The following NTRK3 variants were observed in gnomAD, a reference collection of about 807,000 sequenced individuals.
NTRK3 encodes the protein neurotrophic receptor tyrosine kinase 3, also known as NT-3 growth factor receptor.
Under a neutral mutation model 91.7 loss-of-function variants are expected in NTRK3, and 24 were observed. The observed-to-expected ratio is 0.26, with a 90% CI of 0.19 to 0.37. NTRK3 has a LOEUF of 0.37. Among genes scored for constraint, NTRK3 ranks in the 10% least tolerant of loss-of-function variants. NTRK3 has a pLI of 1.00. For missense variants in NTRK3, 880 were observed against 1,068.9 expected, an observed-to-expected ratio of 0.82 and a Z score of 2.46; for synonymous variants, 483 against 404.0, an observed-to-expected ratio of 1.20 and a Z score of -2.34.
chr15:88,061,390 G>A (rs1273403494), intron 13 of NTRK3, among the ~76,000 whole-genome samples: 1 of 152,240 alleles, frequency 6.6e-6, no homozygotes, highest in Admixed American at 6.5e-5. Flanking sequence ...TTGACCCCCA[G>A]TGGTCAGAAG....
intron 17 of NTRK3, among the ~76,000 whole-genome samples, chr15:87,892,083 AACACACAC>A (rs58946187): frequency 2.8e-5 from 4 of 141,344 alleles, no homozygotes; most frequent in Non-Finnish European, 1.5e-5. Context: ...CCCCATCCCC[AACACACAC>A]ACACACACAC....
rs61498493 is a variant in NTRK3 at position 87,900,690 on chromosome 15, GGTGTGTGTGT to G, written c.2134-20272_2134-20263del. Among the ~76,000 whole-genome samples the G allele has an allele frequency of 3.0e-3, 410 of 138,336 alleles. 1 individual carries two copies. The highest frequency in any genetic ancestry group is 8.1e-3 in the African/African-American group (301 of 36,966). The allele number at this position is 138,336 out of a possible 152,430, so 90.8% of individuals were successfully genotyped here. A position where few individuals can be genotyped will look rare whatever the true frequency, so the allele number is the denominator to read the frequency against. ...GCATCAGCAGCCTGACTTTACAGAG[GGTGTGTGTGT>G]GTGTGTGTGTGTGTGTGTGTGTGTG... On this transcript the variant is annotated intron_variant, in intron 17 of 18. Coordinates refer to ENST00000394480, the Ensembl canonical transcript of NTRK3.
At chr15:88,004,983 T>C (rs2076384130) in intron 14 of NTRK3, among the ~76,000 whole-genome samples, 1 of 152,218 alleles carries the variant, frequency 6.6e-6, no homozygotes, top group Non-Finnish European at 1.5e-5. Context: ...ATTATTCTCA[T>C]CTTACAGATG....
intron 13 of NTRK3, among the ~76,000 whole-genome samples, chr15:88,061,976 T>C (rs546935860): frequency 1.3e-5 from 2 of 152,178 alleles, no homozygotes; most frequent in Admixed American, 1.3e-4. Flanking sequence ...CAACCGCAGA[T>C]CAAAAATATT....
intron 17 of NTRK3, among the ~76,000 whole-genome samples, chr15:87,900,772 C>T (rs1464201425): frequency 6.6e-6 from 1 of 151,178 alleles, no homozygotes; most frequent in Non-Finnish European, 1.5e-5. Context: ...AATTCAGGAG[C>T]TCCACGGCCC....
chr15:87,916,654 T>C lies in NTRK3; in HGVS notation c.2133+12537A>G, dbSNP rs558568845. On this transcript the variant is annotated intron_variant, in intron 17 of 18. Coordinates refer to ENST00000394480, the Ensembl canonical transcript of NTRK3. ...CTAGAAACCACCCTCAGAAATAGGT[T>C]ATTATTTTTTGGCAGGATTAGGGGG... 19 of 692,220 alleles carry C rather than the reference T, an allele frequency of 2.7e-5. No homozygotes were observed. The African/African-American group carries it at 2.8e-4, about 10-fold the overall frequency. 42.9% of individuals were successfully genotyped at this position (692,220 alleles called of 1,614,324 possible).
intron 13 of NTRK3, among the ~76,000 whole-genome samples, chr15:88,045,532 A>G (rs1268286461): frequency 6.6e-6 from 1 of 152,230 alleles, no homozygotes; most frequent in Admixed American, 6.5e-5. Context: ...AGACACTGGT[A>G]GGCATTGCCT....
chr15:88,032,984 G>A lies in NTRK3; in HGVS notation c.1458C>T (p.His486=), dbSNP rs2229909. 5.5e-3 allele frequency: 8,860 copies of A among 1,609,798 alleles called. 455 individuals carry two copies. The African/African-American group carries it at 0.1, about 19-fold the overall frequency. The change falls in exon 14 of 19, where the codon CAC becomes CAT. Residue 486 remains histidine (H), a synonymous_variant. Transcript: ENST00000394480. The stretch of plus-strand genomic sequence containing the variant: ...CCAGTGACGAGGGCGTGGTGATGCC[G>A]TGGTTGATGTGGTGCAGTGGGCTGG...
chr15:87,962,383 C>A (rs2072383631), intron 14 of NTRK3, among the ~76,000 whole-genome samples: 1 of 152,094 alleles, frequency 6.6e-6, no homozygotes, highest in African/African-American at 2.4e-5. Context: ...CCATGCTCAC[C>A]CCTAGAAAGA....
intron 14 of NTRK3, among the ~76,000 whole-genome samples, chr15:87,962,611 G>T (rs1254075812): frequency 1.3e-5 from 2 of 152,154 alleles, no homozygotes; most frequent in Non-Finnish European, 2.9e-5. Context: ...CTTCTCTCCA[G>T]TTTGTGCCCC....
chr15:87,934,387 G>C (rs2069085091), intron 15 of NTRK3, among the ~76,000 whole-genome samples: 1 of 152,196 alleles, frequency 6.6e-6, no homozygotes. Context: ...AATCTAGACA[G>C]ACTAGAGATT....
At chr15:88,188,643 C>T (rs2047142017) in intron 3 of NTRK3, among the ~76,000 whole-genome samples, 1 of 152,164 alleles carries the variant, frequency 6.6e-6, no homozygotes, top group South Asian at 2.1e-4. Context: ...CAGGCCAATA[C>T]AAAAAAGTCT....
chr15:88,124,833 G>A (rs1182548186), intron 13 of NTRK3, among the ~76,000 whole-genome samples: 2 of 152,294 alleles, frequency 1.3e-5, no homozygotes, highest in East Asian at 1.9e-4. Flanking sequence ...TTTATAATTT[G>A]CCTGCACATG....
At chr15:88,119,506 A>C (rs2052471015) in intron 13 of NTRK3, among the ~76,000 whole-genome samples, 1 of 152,186 alleles carries the variant, frequency 6.6e-6, no homozygotes, top group South Asian at 2.1e-4. Context: ...GCATGCAAAC[A>C]TTTGTTAGGA....
At chr15:88,078,410 C>A (rs772724146) in intron 13 of NTRK3, among the ~76,000 whole-genome samples, 2 of 152,208 alleles carry the variant, frequency 1.3e-5, no homozygotes, top group African/African-American at 2.4e-5. Context: ...AATCCCGGCA[C>A]TTCGGGAGGC....
intron 17 of NTRK3, among the ~76,000 whole-genome samples, chr15:87,914,883 C>G (rs952036936): frequency 6.6e-6 from 1 of 152,194 alleles, no homozygotes; most frequent in Non-Finnish European, 1.5e-5. Flanking sequence ...CCACCACCTA[C>G]CAGTCAACTT....
chr15:87,979,606 G>A (rs1232424005), intron 14 of NTRK3: 1 of 664,598 alleles, frequency 1.5e-6, no homozygotes. Context: ...AAGGATAGGA[G>A]GAGGGGATTA....
At chr15:88,183,888 C>G (rs2046733582) in intron 4 of NTRK3, among the ~76,000 whole-genome samples, 1 of 152,174 alleles carries the variant, frequency 6.6e-6, no homozygotes, top group African/African-American at 2.4e-5. Context: ...AAATCTCATA[C>G]TCCATGGGGC....
At chr15:88,048,191 C>A (rs555950898) in intron 13 of NTRK3, among the ~76,000 whole-genome samples, 103 of 152,274 alleles carry the variant, frequency 6.8e-4, no homozygotes, top group African/African-American at 2.4e-3. Context: ...CAATCTTAGG[C>A]CATCTTGATC....
Sources: allele counts gnomAD v4.1 joint callset (sites outside exome capture counted in the v4.1 genomes callset), GRCh38; gene constraint gnomAD v4.1.1; transcripts MANE v1.5; gene names NCBI Gene and HGNC (gene_info 2026-07-23, HGNC 2026-07-21).